The following TRAM2 variants were observed in gnomAD, a reference collection of about 807,000 sequenced individuals.
TRAM2 encodes translocation associated membrane protein 2, also known as translocating chain-associated membrane protein 2.
Under a neutral mutation model 51.0 loss-of-function variants are expected in TRAM2, and 12 were observed. The ratio of observed to expected loss-of-function variants is 0.24; its 90% CI spans 0.15 to 0.38. The LOEUF (loss-of-function observed/expected upper bound fraction) is 0.38, where lower values mean the gene tolerates loss of function less well. Among genes scored for constraint, TRAM2 ranks in the 10% least tolerant of loss-of-function variants. The probability of loss-of-function intolerance (pLI) is 1.00; values close to 1 mark genes in which losing one functional copy is unlikely to be tolerated. For synonymous variants in TRAM2, 175 were observed against 179.4 expected (o/e 0.98, Z 0.20); for missense variants, 361 against 462.0 (o/e 0.78, Z 2.00).
chr6:52,508,157 G>A (rs1766382993), intron 6 of TRAM2, 77 bp downstream of exon 6: 1 of 1,357,190 alleles, frequency 7.4e-7, no homozygotes, highest in Non-Finnish European at 1.0e-6. Context: ...AGAAAAGGAA[G>A]GGAGGTACCC....
intron 4 of TRAM2, among the ~76,000 whole-genome samples, chr6:52,515,015 C>G (rs1766518448): frequency 6.6e-6 from 1 of 152,138 alleles, no homozygotes; most frequent in Non-Finnish European, 1.5e-5. Context: ...GGAATAAAAA[C>G]AATGTACAAA....
intron 1 of TRAM2, among the ~76,000 whole-genome samples, chr6:52,556,648 C>A (rs1334547341): frequency 6.6e-6 from 1 of 151,670 alleles, no homozygotes; most frequent in East Asian, 2.0e-4. Context: ...AAGGTATAGG[C>A]CAGGCACAGT....
intron 4 of TRAM2, among the ~76,000 whole-genome samples, chr6:52,515,147 T>C (rs1196867193): frequency 6.6e-6 from 1 of 152,126 alleles, no homozygotes; most frequent in Non-Finnish European, 1.5e-5. Flanking sequence ...GAGGGATCTG[T>C]GGAAGGCCGG....
At chr6:52,540,791 T>C (rs968144167) in intron 1 of TRAM2, among the ~76,000 whole-genome samples, 1 of 152,238 alleles carries the variant, frequency 6.6e-6, no homozygotes, top group African/African-American at 2.4e-5. Flanking sequence ...TTGAGTTTAA[T>C]AGCATTTTAA....
chr6:52,577,036 C>A lies in TRAM2; in HGVS notation c.-121G>T, dbSNP rs1581708165. 1 of 1,177,884 alleles carries A rather than the reference C, an allele frequency of 8.5e-7. No individual in the cohort carries two copies. Among genetic ancestry groups the A allele is most frequent in the South Asian group, 2.7e-5 (1 of 37,060 alleles). 73.0% of individuals were successfully genotyped at this position (1,177,884 alleles called of 1,614,324 possible). A position where few individuals can be genotyped will look rare whatever the true frequency, so the allele number is the denominator to read the frequency against. Reference sequence around the variant, plus strand: ...CGCCGCCCGCTCTCCCACAGCCGCTCGCCCGCCCAGCGCGGAACAACTTCG... The same window carrying A: ...CGCCGCCCGCTCTCCCACAGCCGCTAGCCCGCCCAGCGCGGAACAACTTCG... On this transcript the variant is annotated 5_prime_UTR_variant, in exon 1 of 11. Transcript: ENST00000182527.
At chr6:52,526,279 T>C (rs1298012952) in intron 2 of TRAM2, among the ~76,000 whole-genome samples, 1 of 152,156 alleles carries the variant, frequency 6.6e-6, no homozygotes, top group Non-Finnish European at 1.5e-5. Flanking sequence ...CTTTGTAATA[T>C]ATTTTCTCCA....
chr6:52,547,071 T>C (rs1394970966), intron 1 of TRAM2, among the ~76,000 whole-genome samples: 1 of 150,944 alleles, frequency 6.6e-6, no homozygotes, highest in African/African-American at 2.4e-5. Context: ...GGAGTGGGAG[T>C]GTGGAGACAG....
intron 1 of TRAM2, among the ~76,000 whole-genome samples, chr6:52,576,356 A>G (rs1767765004): frequency 6.6e-6 from 1 of 152,188 alleles, no homozygotes; most frequent in South Asian, 2.1e-4. Flanking sequence ...GGTCTCTCCC[A>G]CTGGAAAAGC....
At chr6:52,509,249 G>A (rs1056942979) in intron 5 of TRAM2, among the ~76,000 whole-genome samples, 1 of 152,186 alleles carries the variant, frequency 6.6e-6, no homozygotes, top group Non-Finnish European at 1.5e-5. Flanking sequence ...AACCCAGAGG[G>A]CATTATGGAG....
intron 1 of TRAM2, among the ~76,000 whole-genome samples, chr6:52,574,642 A>G (rs1767733815): frequency 6.6e-6 from 1 of 152,196 alleles, no homozygotes; most frequent in South Asian, 2.1e-4. Flanking sequence ...TACACTCCCC[A>G]ATACAAGCCT....
At chr6:52,553,696 G>C (rs1202634880) in intron 1 of TRAM2, among the ~76,000 whole-genome samples, 2 of 152,222 alleles carry the variant, frequency 1.3e-5, no homozygotes, top group Non-Finnish European at 2.9e-5. Flanking sequence ...AGAAAGACCT[G>C]TGTCAAAATC....
In TRAM2 at chr6:52,501,606, G is replaced by C. The variant is rs1766225951; in HGVS notation, c.*1591C>G. On this transcript the variant is annotated 3_prime_UTR_variant, in exon 11 of 11. Coordinates refer to ENST00000182527, the MANE Select transcript of TRAM2 (RefSeq NM_012288.4). ...TTGTTGTCCAGGCTGGAGTGCCATG[G>C]TACAATCTCCGCTCACTGCAACCTC... 1 of 152,166 alleles carries C rather than the reference G, an allele frequency of 6.6e-6. No homozygotes were observed. The highest frequency in any genetic ancestry group is 2.4e-5 in the African/African-American group (1 of 41,422). The allele number at this position is 152,166 out of a possible 1,614,324, so 9.4% of individuals were successfully genotyped here. A position where few individuals can be genotyped will look rare whatever the true frequency, so the allele number is the denominator to read the frequency against.
chr6:52,569,290 T>C (rs1767639002), intron 1 of TRAM2, among the ~76,000 whole-genome samples: 1 of 150,362 alleles, frequency 6.7e-6, no homozygotes, highest in Non-Finnish European at 1.5e-5. Context: ...CTTGGGAGGC[T>C]GAAGTGGGAG....
chr6:52,571,378 T>C (rs1010287843), intron 1 of TRAM2, among the ~76,000 whole-genome samples: 2 of 152,206 alleles, frequency 1.3e-5, no homozygotes, highest in Admixed American at 6.5e-5. Flanking sequence ...GCTTTCACCA[T>C]AGCAACACAT....
chr6:52,516,752 A>G lies in TRAM2; in HGVS notation c.185-15T>C, dbSNP rs938335169. 3.1e-6 allele frequency: 5 copies of G among 1,595,978 alleles called. No individual in the cohort carries two copies. The highest frequency in any genetic ancestry group is 1.1e-5 in the South Asian group (1 of 90,680). Reference sequence around the variant, plus strand: ...GGTCTCACTGTCTGTGGAGGTAATAAAAGTCCCATCAGCATCCCTGGGGGA... The same window carrying G: ...GGTCTCACTGTCTGTGGAGGTAATAGAAGTCCCATCAGCATCCCTGGGGGA... On this transcript the variant is annotated splice_polypyrimidine_tract_variant and intron_variant, in intron 2 of 10. Coordinates refer to ENST00000182527, the MANE Select transcript of TRAM2 (RefSeq NM_012288.4).
At chr6:52,539,841 TTC>T (rs1767046350) in intron 1 of TRAM2, among the ~76,000 whole-genome samples, 1 of 152,158 alleles carries the variant, frequency 6.6e-6, no homozygotes, top group African/African-American at 2.4e-5. Context: ...TCTGTATGTC[TTC>T]TCTCTCTCGG....
At chr6:52,527,788 C>T (rs952931073) in intron 2 of TRAM2, among the ~76,000 whole-genome samples, 1 of 152,192 alleles carries the variant, frequency 6.6e-6, no homozygotes. Context: ...CTAGGTTGCA[C>T]GGAGGTGTTC....
intron 2 of TRAM2, among the ~76,000 whole-genome samples, chr6:52,525,542 C>T (rs1438640487): frequency 2.6e-5 from 4 of 152,134 alleles, no homozygotes; most frequent in Middle Eastern, 3.2e-3. Flanking sequence ...AGGTGCAGTG[C>T]CTTAGGCCTG....
intron 1 of TRAM2, among the ~76,000 whole-genome samples, chr6:52,549,278 C>CCCTT (rs113853642): frequency 0.15 from 21,909 of 146,130 alleles, 2,364 homozygotes; most frequent in East Asian, 0.3. Context: ...CTCCCTCCCT[C>CCCTT]CCTTCCTTCC....
Sources: gnomAD v4.1 joint callset for allele counts (sites outside exome capture counted in the v4.1 genomes callset) on GRCh38, gnomAD v4.1.1 for gene constraint, MANE v1.5 for transcripts, NCBI Gene and HGNC (gene_info 2026-07-23, HGNC 2026-07-21) for gene names.